The following DCAF6 variants were observed in gnomAD, a reference collection of about 807,000 sequenced individuals.
DCAF6 encodes DDB1 and CUL4 associated factor 6.
A neutral mutation model predicts 125.1 loss-of-function variants in DCAF6; 54 were observed. The observed-to-expected ratio is 0.43, with a 90% confidence interval of 0.35 to 0.54. DCAF6 has a LOEUF of 0.54. DCAF6 is among the 20% of genes least tolerant of loss of function. The probability of loss-of-function intolerance (pLI) is 0.01; values close to 1 mark genes in which losing one functional copy is unlikely to be tolerated. For missense variants in DCAF6, 934 were observed against 1,161.7 expected (o/e 0.80, Z 2.85); for synonymous variants, 371 against 390.4 (o/e 0.95, Z 0.58).
At chr1:168,048,068 A>G (rs1008183919) in intron 16 of DCAF6, among the ~76,000 whole-genome samples, 2 of 152,168 alleles carry the variant, frequency 1.3e-5, no homozygotes, top group Non-Finnish European at 2.9e-5. Flanking sequence ...TAAGAACATG[A>G]AAAGAATCAC....
the DCAF6 span, chr1:167,902,061 A>G: frequency 7.4e-7 from 1 of 1,359,362 alleles, no homozygotes; most frequent in Non-Finnish European, 9.9e-7. Context: ...ACTTCTGAGA[A>G]AAAAAAAAAA....
chr1:167,883,372 T>C, the DCAF6 span: 5 of 1,555,708 alleles, frequency 3.2e-6, no homozygotes, highest in South Asian at 1.1e-5. Flanking sequence ...TTCTCACCAA[T>C]GTGCTTGTCC....
chr1:167,889,044 T>G, the DCAF6 span, among the ~76,000 whole-genome samples: 3 of 152,194 alleles, frequency 2.0e-5, no homozygotes, highest in African/African-American at 7.2e-5. Context: ...ATAATTTGAC[T>G]TCTTCCTTTC....
chr1:167,978,136 A>G (rs372130980), intron 4 of DCAF6, among the ~76,000 whole-genome samples: 1 of 152,332 alleles, frequency 6.6e-6, no homozygotes, highest in Admixed American at 6.5e-5. Flanking sequence ...TGAATATACC[A>G]CAATTGATTT....
chr1:168,068,384 G>T lies in DCAF6; in HGVS notation c.2712G>T (p.Leu904=), dbSNP rs754845179. 6.2e-7 allele frequency: 1 copy of T among 1,603,470 alleles called. No homozygotes were observed. Residue 904 remains leucine, a synonymous_variant, in exon 21 of 22, where the codon CTG becomes CTT. Transcript: ENST00000367840. ...DEVITRNELM[L]EETRNTITVP... ...TTATAACTCGAAACGAACTCATGCT[G>T]GAAGAAACTAGAAACACCATTACAG...
chr1:168,043,530 T>A (rs1688804201), intron 14 of DCAF6, among the ~76,000 whole-genome samples: 1 of 152,100 alleles, frequency 6.6e-6, no homozygotes, highest in Non-Finnish European at 1.5e-5. Context: ...AAGTTACGAG[T>A]GAATCTATTT....
intron 21 of DCAF6, 130 bp downstream of exon 21, chr1:168,068,593 T>C (rs1344167777): frequency 4.8e-6 from 2 of 419,782 alleles, no homozygotes. Flanking sequence ...ACTTCTAAAC[T>C]AGGATTTCTG....
intron 13 of DCAF6, among the ~76,000 whole-genome samples, chr1:168,042,212 T>C (rs1260006637): frequency 6.6e-6 from 1 of 152,050 alleles, no homozygotes; most frequent in Non-Finnish European, 1.5e-5. Flanking sequence ...TTTAAGTTAC[T>C]GTAAATCTTA....
At chr1:167,882,484 C>CAAAAAAA in the DCAF6 span, among the ~76,000 whole-genome samples, 2 of 71,134 alleles carry the variant, frequency 2.8e-5, no homozygotes, top group Non-Finnish European at 2.8e-5. Flanking sequence ...GATTCCGTCT[C>CAAAAAAA]AAAAAAAAAA....
At chr1:168,036,266 T>C (rs1386829655) in intron 12 of DCAF6, among the ~76,000 whole-genome samples, 1 of 152,214 alleles carries the variant, frequency 6.6e-6, no homozygotes, top group African/African-American at 2.4e-5. Context: ...AACTGTCTCT[T>C]AAATTTTCCT....
chr1:168,006,685 A>G (rs184328536), intron 10 of DCAF6, among the ~76,000 whole-genome samples: 4 of 152,316 alleles, frequency 2.6e-5, no homozygotes, highest in African/African-American at 9.6e-5. Flanking sequence ...GTAGATGGAA[A>G]TGTCAGCTTA....
rs752296176 is a variant in DCAF6 at position 168,063,703 on chromosome 1, A to C, written c.2383A>C (p.Ile795Leu). The C allele has an allele frequency of 6.2e-7, 1 of 1,605,730 alleles. No individual in the cohort carries two copies. The highest frequency in any genetic ancestry group is 1.7e-5 in the Admixed American group (1 of 58,444). ...AATGGAAGAATTGGATACTTTGAAC[A>C]TTAGAAGGCCGCTAGTAAAAATGGT... ...KEMEELDTLN[I>L]RRPLVKMVYK... is the part of the protein sequence containing the mutation. The change falls in exon 18 of 22, where the codon ATT (isoleucine) becomes CTT (leucine). Residue 795 changes from isoleucine to leucine, a missense_variant. By Grantham distance (5) the Ile-to-Leu change is conservative. Transcript: ENST00000367840.
rs148277230 is a variant in DCAF6 at position 168,024,927 on chromosome 1, G to A, written c.1609+1880G>A. ...AGGTTTTCTGTTCTTGAGAAAGAAA[G>A]AATGAATGAATGAATTGGTAAATTA... On this transcript the variant is annotated intron_variant, in intron 12 of 21. Coordinates refer to ENST00000367840, the MANE Select transcript of DCAF6 (RefSeq NM_001198956.2). 1.8e-3 allele frequency among the ~76,000 whole-genome samples: 280 copies of A among 151,976 alleles called. 1 individual carries two copies. Among genetic ancestry groups the A allele is most frequent in the African/African-American group, 6.5e-3 (269 of 41,450 alleles).
Position 168,063,724 on chromosome 1 carries a change from A to G in DCAF6, c.2404A>G (p.Met802Val). 6.2e-7 allele frequency: 1 copy of G among 1,606,024 alleles called. No homozygotes were observed. Among genetic ancestry groups the G allele is most frequent in the South Asian group, 1.1e-5 (1 of 89,254 alleles). Residue 802 changes from methionine (M) to valine (V), a missense_variant, in exon 18 of 22, where the codon ATG (methionine) becomes GTG (valine). Physicochemically the swap from Met to Val is conservative, Grantham distance 21. This residue lies in a region of DCAF6 where 559 missense variants were observed against 635.5 expected (regional missense o/e 0.88). Coordinates refer to ENST00000367840, the MANE Select transcript of DCAF6 (RefSeq NM_001198956.2). ...GAACATTAGAAGGCCGCTAGTAAAA[A>G]TGGTTTATAAAGGCCATCGCAACTC... The part of the protein sequence containing the change: ...TLNIRRPLVK[M>V]VYKGHRNSRT...
chr1:168,042,979 A>G lies in DCAF6; in HGVS notation c.1728-46A>G, dbSNP rs752074482. The G allele has an allele frequency of 1.8e-5, 25 of 1,390,118 alleles. No individual in the cohort carries two copies. The Admixed American group carries it at 4.6e-4, about 26-fold the overall frequency. The allele number at this position is 1,390,118 out of a possible 1,614,324, so 86.1% of individuals were successfully genotyped here. On this transcript the variant is annotated intron_variant, in intron 13 of 21. Coordinates refer to ENST00000367840, the MANE Select transcript of DCAF6 (RefSeq NM_001198956.2). ...AAATATAAAAATCCTAAAAGATCAT[A>G]TTGATTAACTTCTTGGTGGAATCAC...
intron 2 of DCAF6, among the ~76,000 whole-genome samples, chr1:167,955,907 G>A (rs1674705727): frequency 6.6e-6 from 1 of 152,004 alleles, no homozygotes; most frequent in Non-Finnish European, 1.5e-5. Context: ...GACCATAGGT[G>A]CATGCCACCA....
At chr1:167,893,673 G>T in the DCAF6 span, among the ~76,000 whole-genome samples, 1 of 138,294 alleles carries the variant, frequency 7.2e-6, no homozygotes, top group Non-Finnish European at 1.5e-5. Context: ...TTCAGCCTGG[G>T]TGACAGAGTG....
At chr1:167,897,060 G>A in the DCAF6 span, among the ~76,000 whole-genome samples, 10 of 151,938 alleles carry the variant, frequency 6.6e-5, no homozygotes, top group Non-Finnish European at 1.3e-4. Context: ...AAAGGACGGG[G>A]GCTGATGGCC....
In DCAF6 at chr1:167,987,461, G is replaced by A. The variant is rs377761374; in HGVS notation, c.439-34G>A. The A allele has an allele frequency of 3.3e-4, 337 of 1,012,320 alleles. 2 individuals carry two copies. The highest frequency in any genetic ancestry group is 9.2e-4 in the Middle Eastern group (3 of 3,248). The allele number at this position is 1,012,320 out of a possible 1,614,324, so 62.7% of individuals were successfully genotyped here. On this transcript the variant is annotated intron_variant, in intron 4 of 21. Coordinates refer to ENST00000367840, the MANE Select transcript of DCAF6 (RefSeq NM_001198956.2). ...TTCAGAGCCGTCTGTTTAAATGTTCGTATGATTATCTGCACTTTTCTTTTC... is the reference window on the plus strand; with the variant it reads ...TTCAGAGCCGTCTGTTTAAATGTTCATATGATTATCTGCACTTTTCTTTTC...
Sources: gnomAD v4.1 joint callset for allele counts (sites outside exome capture counted in the v4.1 genomes callset) on GRCh38, gnomAD v4.1.1 for gene constraint, gnomAD v4.1.1 regional missense constraint, MANE v1.5 for transcripts, NCBI Gene and HGNC (gene_info 2026-07-23, HGNC 2026-07-21) for gene names.